MGLL: variants seen among roughly 807,000 people sequenced by gnomAD.
The protein encoded by MGLL is lysophospholipase homolog.
In MGLL, 7 loss-of-function variants were observed where a neutral mutation model predicts 29.1. The observed-to-expected ratio is 0.24, with a 90% CI of 0.14 to 0.45. The LOEUF (loss-of-function observed/expected upper bound fraction) is 0.45, where lower values mean the gene tolerates loss of function less well. Among genes scored for constraint, MGLL ranks in the 20% least tolerant of loss-of-function variants. MGLL has a pLI of 0.99. For missense variants in MGLL, 356 were observed against 413.6 expected (o/e 0.86, Z 1.21); for synonymous variants, 148 against 168.3 (o/e 0.88, Z 0.93).
chr3:127,724,610 CTG>C (rs1188222223), intron 3 of MGLL, among the ~76,000 whole-genome samples: 4 of 152,166 alleles, frequency 2.6e-5, no homozygotes, highest in African/African-American at 7.2e-5. Context: ...GATGGTGATT[CTG>C]TGTTGAATTT....
chr3:127,734,084 T>C (rs1576521916), intron 3 of MGLL, among the ~76,000 whole-genome samples: 1 of 152,258 alleles, frequency 6.6e-6, no homozygotes, highest in East Asian at 1.9e-4. Flanking sequence ...TGGAGCCGGG[T>C]TGGTCTAAGG....
intron 2 of MGLL, 140 bp downstream of exon 2, chr3:127,821,553 GC>G (rs1317256337): frequency 1.2e-6 from 1 of 857,020 alleles, no homozygotes; most frequent in Non-Finnish European, 1.9e-6. Flanking sequence ...TGTTAACATT[GC>G]TCAGCCTAAC....
At chr3:127,780,745 C>CT (rs2077110741) in intron 3 of MGLL, among the ~76,000 whole-genome samples, 1 of 152,232 alleles carries the variant, frequency 6.6e-6, no homozygotes, top group Admixed American at 6.5e-5. Flanking sequence ...TTCCAGGCCT[C>CT]TGTCATTGCT....
intron 5 of MGLL, chr3:127,711,224 C>T (rs1398520440): frequency 5.5e-6 from 1 of 182,564 alleles, no homozygotes; most frequent in African/African-American, 2.3e-5. Context: ...GCTCTGCTGC[C>T]TCGTGAACAT....
intron 1 of MGLL, 133 bp downstream of exon 1, chr3:127,822,176 T>TA: frequency 9.8e-7 from 1 of 1,024,712 alleles, no homozygotes; most frequent in Non-Finnish European, 1.5e-6. Context: ...GCTCTATGGG[T>TA]ACAAAGACCC....
intron 5 of MGLL, chr3:127,714,088 G>A (rs113314710): frequency 4.0e-5 from 5 of 123,626 alleles, no homozygotes; most frequent in African/African-American, 8.3e-5. Flanking sequence ...AAAGAGCTTC[G>A]TAGGAAAAAA....
chr3:127,701,215 CAAAAAAA>C (rs60128956), intron 6 of MGLL, among the ~76,000 whole-genome samples: 2 of 56,442 alleles, frequency 3.5e-5, no homozygotes, highest in African/African-American at 9.4e-5. Flanking sequence ...ACCCTGCCTC[CAAAAAAA>C]AAAAAAAAAA....
intron 6 of MGLL, among the ~76,000 whole-genome samples, chr3:127,695,764 G>T (rs1056717222): frequency 2.0e-5 from 3 of 152,122 alleles, no homozygotes; most frequent in African/African-American, 7.2e-5. Flanking sequence ...TAAAAAAAAC[G>T]AAAGTTTCAA....
chr3:127,746,585 C>G (rs541825677), intron 3 of MGLL, among the ~76,000 whole-genome samples: 1 of 152,174 alleles, frequency 6.6e-6, no homozygotes, highest in Admixed American at 6.5e-5. Flanking sequence ...CTGTCTGGAA[C>G]CAGTTATGTT....
intron 2 of MGLL, among the ~76,000 whole-genome samples, chr3:127,818,203 TCCACCCGC>T (rs1424970372): frequency 6.6e-6 from 1 of 152,208 alleles, no homozygotes; most frequent in Admixed American, 6.5e-5. Flanking sequence ...CCTCAAGTGA[TCCACCCGC>T]CTCAGCCTCC....
At chr3:127,705,863 C>A (rs1306793457) in intron 6 of MGLL, among the ~76,000 whole-genome samples, 2 of 151,902 alleles carry the variant, frequency 1.3e-5, no homozygotes, top group Admixed American at 6.6e-5. Context: ...CATCACTAAC[C>A]ATTAGGGAAA....
chr3:127,755,562 G>A (rs558985420), intron 3 of MGLL, among the ~76,000 whole-genome samples: 4 of 152,320 alleles, frequency 2.6e-5, no homozygotes, highest in African/African-American at 7.2e-5. Flanking sequence ...ATGCAGCGGC[G>A]AGACTCAGTG....
chr3:127,725,760 T>C (rs2107630616), intron 3 of MGLL, among the ~76,000 whole-genome samples: 1 of 152,340 alleles, frequency 6.6e-6, no homozygotes, highest in Non-Finnish European at 1.5e-5. Flanking sequence ...TAAAAATGGC[T>C]GAATCTTTTA....
At chr3:127,741,797 C>G (rs367562159) in intron 3 of MGLL, among the ~76,000 whole-genome samples, 1 of 152,222 alleles carries the variant, frequency 6.6e-6, no homozygotes, top group African/African-American at 2.4e-5. Flanking sequence ...TTCCTAAATA[C>G]CTGTTTTGTG....
chr3:127,787,808 G>A (rs1436885706), intron 2 of MGLL, among the ~76,000 whole-genome samples: 1 of 152,222 alleles, frequency 6.6e-6, no homozygotes, highest in Admixed American at 6.5e-5. Flanking sequence ...ACTCCGTCCT[G>A]CCAAATTTTA....
At chr3:127,807,309 A>T (rs905584652) in intron 2 of MGLL, among the ~76,000 whole-genome samples, 1 of 152,190 alleles carries the variant, frequency 6.6e-6, no homozygotes, top group Non-Finnish European at 1.5e-5. Flanking sequence ...AAAATTTGGT[A>T]GTAACATCAC....
At chr3:127,694,343 ATG>A (rs2075312488) in intron 7 of MGLL, among the ~76,000 whole-genome samples, 3 of 57,712 alleles carry the variant, frequency 5.2e-5, no homozygotes, top group African/African-American at 2.2e-4. Context: ...ATATATATGT[ATG>A]TGTATATATA....
intron 3 of MGLL, among the ~76,000 whole-genome samples, chr3:127,769,611 A>G (rs1347187993): frequency 6.6e-6 from 1 of 152,200 alleles, no homozygotes; most frequent in African/African-American, 2.4e-5. Context: ...AGGTCCAGGG[A>G]GTACTGGACC....
intron 2 of MGLL, among the ~76,000 whole-genome samples, chr3:127,806,444 G>A (rs888507278): frequency 3.9e-5 from 6 of 152,186 alleles, no homozygotes; most frequent in Non-Finnish European, 8.8e-5. Flanking sequence ...TTGGTGAATG[G>A]ATGGGTGGAA....
Sources: allele counts gnomAD v4.1 joint callset (sites outside exome capture counted in the v4.1 genomes callset), GRCh38; gene constraint gnomAD v4.1.1; transcripts MANE v1.5; gene names NCBI Gene and HGNC (gene_info 2026-07-23, HGNC 2026-07-21).